Variants in FAM120A observed in about 807,000 individuals in gnomAD.
FAM120A encodes the protein constitutive coactivator of PPAR-gamma-like protein 1.
In FAM120A, 15 loss-of-function variants were observed where a neutral mutation model predicts 109.7. That is an observed-to-expected ratio of 0.14 (90% CI 0.09 to 0.21). FAM120A has a LOEUF of 0.21. Ranked by LOEUF, FAM120A falls within the 10% of genes least tolerant of loss-of-function variation. FAM120A has a pLI of 1.00. For synonymous variants in FAM120A, 493 were observed against 572.8 expected (o/e 0.86, Z 1.99); for missense variants, 899 against 1,439.3 (o/e 0.62, Z 6.07).
At chr9:93,522,600 T>A (rs1434661633) in intron 7 of FAM120A, among the ~76,000 whole-genome samples, 5 of 152,266 alleles carry the variant, frequency 3.3e-5, no homozygotes, top group Non-Finnish European at 5.9e-5. Flanking sequence ...CTGACATTTT[T>A]AAATGGATAT....
intron 2 of FAM120A, among the ~76,000 whole-genome samples, chr9:93,472,527 A>G (rs530390694): frequency 3.9e-5 from 6 of 152,318 alleles, no homozygotes; most frequent in African/African-American, 1.4e-4. Context: ...ACACAAGGCC[A>G]GTTTGGGAAG....
At chr9:93,477,933 C>T (rs998205247) in intron 3 of FAM120A, among the ~76,000 whole-genome samples, 4 of 152,078 alleles carry the variant, frequency 2.6e-5, no homozygotes, top group African/African-American at 4.8e-5. Context: ...AATGTGTATC[C>T]GTATATCCCC....
rs1426468981 is a variant in FAM120A at position 93,564,344 on chromosome 9, T to C, written c.3161T>C (p.Val1054Ala). The stretch of plus-strand genomic sequence containing the variant: ...GACGGGTCCCTGGCTGAAAACGGAG[T>C]GATGGCCGAGGAGAAGCCGGCTCCC... ...SSDGSLAENG[V>A]MAEEKPAPQM... Residue 1054 changes from valine (V) to alanine (A), a missense_variant, in exon 18 of 18, where the codon GTG becomes GCG. Around this residue, in one of 11 missense-constraint regions of FAM120A, gnomAD observed 170 missense variants for 205.0 expected, o/e 0.83. Transcript: ENST00000277165. 1 of 1,613,866 alleles carries C rather than the reference T, an allele frequency of 6.2e-7. No individual in the cohort carries two copies. Among genetic ancestry groups the C allele is most frequent in the Admixed American group, 1.7e-5 (1 of 60,006 alleles).
At chr9:93,527,128 C>G (rs767053814) in intron 7 of FAM120A, 27 bp from the exon 8 acceptor site, 1 of 1,595,848 alleles carries the variant, frequency 6.3e-7, no homozygotes, top group South Asian at 1.1e-5. Context: ...AGTGATTGGA[C>G]AGTAATCATG....
intron 7 of FAM120A, among the ~76,000 whole-genome samples, chr9:93,524,306 T>C (rs1330525465): frequency 6.6e-6 from 1 of 152,228 alleles, no homozygotes; most frequent in Admixed American, 6.5e-5. Context: ...TCTACACCCC[T>C]GACAGTCAGG....
chr9:93,557,787 CT>C (rs751913076), intron 13 of FAM120A, 39 bp from the exon 14 acceptor site: 198 of 1,586,336 alleles, frequency 1.2e-4, no homozygotes, highest in Non-Finnish European at 1.6e-4. Flanking sequence ...TTAAAACCCC[CT>C]GTGGATGGCA....
In FAM120A at chr9:93,532,333, T is replaced by C. The variant is rs1455360530; in HGVS notation, c.1909+4T>C. The C allele has an allele frequency of 1.9e-6, 3 of 1,614,046 alleles. No individual in the cohort carries two copies. Among genetic ancestry groups the C allele is most frequent in the South Asian group, 1.1e-5 (1 of 91,072 alleles). On this transcript the variant is annotated splice_donor_region_variant and intron_variant, in intron 10 of 17. Coordinates refer to ENST00000277165, the MANE Select transcript of FAM120A (RefSeq NM_014612.5). This position sits in a 1 kb window ranked among gnomAD's most constrained non-coding sequence, Gnocchi z 4.3. ...AAGAACAGACTTCCACCAGAATGTA[T>C]GTACTGTAACAATCCATTGTTTGTT...
At chr9:93,485,479 C>T (rs10821138) in intron 3 of FAM120A, among the ~76,000 whole-genome samples, 39,939 of 151,942 alleles carry the variant, frequency 0.26, 6,477 homozygotes, top group East Asian at 0.43. Flanking sequence ...CCCCTGTAGT[C>T]CCAACTACTT....
chr9:93,494,992 G>GTGCA (rs1348549411), intron 3 of FAM120A, among the ~76,000 whole-genome samples: 1 of 152,178 alleles, frequency 6.6e-6, no homozygotes. Context: ...CACCACAGCA[G>GTGCA]TGCATGCCCA....
At position 93,565,933 on chromosome 9, in the gene FAM120A, C is replaced by T. The variant is rs911155280; in HGVS notation, c.*1393C>T. 6.6e-6 allele frequency: 1 copy of T among 152,626 alleles called. No individual in the cohort carries two copies. Among genetic ancestry groups the T allele is most frequent in the Non-Finnish European group, 1.5e-5 (1 of 68,058 alleles). 9.5% of individuals were successfully genotyped at this position (152,626 alleles called of 1,614,324 possible). On this transcript the variant is annotated 3_prime_UTR_variant, in exon 18 of 18. Transcript: ENST00000277165. ...GGTGTAATTCCCCAACCCCTGCCCGCAAGAGCTAAGTAGGATCTTACTGTA... is the reference window on the plus strand; with the variant it reads ...GGTGTAATTCCCCAACCCCTGCCCGTAAGAGCTAAGTAGGATCTTACTGTA...
At chr9:93,508,805 T>C (rs907094690) in intron 5 of FAM120A, among the ~76,000 whole-genome samples, 1 of 152,236 alleles carries the variant, frequency 6.6e-6, no homozygotes, top group Non-Finnish European at 1.5e-5. Flanking sequence ...ACCACAGCCC[T>C]GATCCCAGTG....
At chr9:93,490,699 G>T (rs890192843) in intron 3 of FAM120A, among the ~76,000 whole-genome samples, 2 of 152,212 alleles carry the variant, frequency 1.3e-5, no homozygotes, top group African/African-American at 4.8e-5. Context: ...TTCTTTAGCA[G>T]GGGCTAAATT....
intron 2 of FAM120A, 28 bp downstream of exon 2, chr9:93,471,415 A>G (rs1858309173): frequency 6.2e-7 from 1 of 1,613,086 alleles, no homozygotes; most frequent in Non-Finnish European, 8.5e-7. Flanking sequence ...AAAATATTTT[A>G]TAAGGGAGTG....
chr9:93,488,059 A>G (rs1234277818), intron 3 of FAM120A, among the ~76,000 whole-genome samples: 2 of 151,814 alleles, frequency 1.3e-5, no homozygotes, highest in African/African-American at 4.8e-5. Context: ...TTATTTTCCC[A>G]TTTTTACTTC....
At chr9:93,485,478 T>A (rs1222329779) in intron 3 of FAM120A, among the ~76,000 whole-genome samples, 1 of 152,036 alleles carries the variant, frequency 6.6e-6, no homozygotes, top group Non-Finnish European at 1.5e-5. Context: ...ACCCCTGTAG[T>A]CCCAACTACT....
intron 7 of FAM120A, among the ~76,000 whole-genome samples, chr9:93,519,896 G>A (rs1860770250): frequency 1.3e-5 from 2 of 151,918 alleles, no homozygotes; most frequent in Admixed American, 1.3e-4. Flanking sequence ...TTTTTTTAGG[G>A]ACAGGGTCTT....
intron 12 of FAM120A, among the ~76,000 whole-genome samples, chr9:93,554,876 C>T (rs907858736): frequency 1.3e-5 from 2 of 152,162 alleles, no homozygotes; most frequent in African/African-American, 2.4e-5. Flanking sequence ...CTAGAAGCAG[C>T]GGAGCCCCAC....
At chr9:93,550,787 T>A in intron 12 of FAM120A, 96 bp downstream of exon 12, 1 of 821,252 alleles carries the variant, frequency 1.2e-6, no homozygotes, top group Non-Finnish European at 2.0e-6. Flanking sequence ...GCTAATTCTT[T>A]AAACTAATTG....
chr9:93,543,162 A>G, intron 10 of FAM120A, 60 bp from the exon 11 acceptor site: 2 of 1,569,758 alleles, frequency 1.3e-6, no homozygotes, highest in Non-Finnish European at 1.7e-6. Context: ...TGTTTTTGTT[A>G]AGACTGAAAG....
Sources: allele counts gnomAD v4.1 joint callset (sites outside exome capture counted in the v4.1 genomes callset), GRCh38; gene constraint gnomAD v4.1.1; regional missense constraint gnomAD v4.1.1; non-coding constraint Gnocchi (gnomAD v3.1); transcripts MANE v1.5; gene names NCBI Gene and HGNC (gene_info 2026-07-23, HGNC 2026-07-21).